MYRIP: variants seen among roughly 807,000 people sequenced by gnomAD.
MYRIP encodes rab effector MyRIP.
A neutral mutation model predicts 98.0 loss-of-function variants in MYRIP; 49 were observed. The ratio of observed to expected loss-of-function variants is 0.50; its 90% confidence interval spans 0.40 to 0.63. The LOEUF (loss-of-function observed/expected upper bound fraction) is 0.63, where lower values mean the gene tolerates loss of function less well. MYRIP is among the 30% of genes least tolerant of loss of function. The pLI, the probability that MYRIP is intolerant of heterozygous loss-of-function variation, is 0.00. For synonymous variants in MYRIP, 404 were observed against 409.5 expected (o/e 0.99, Z 0.16); for missense variants, 1,004 against 1,058.2 (o/e 0.95, Z 0.71).
At chr3:40,054,296 T>C (rs1013520479) in intron 3 of MYRIP, among the ~76,000 whole-genome samples, 2 of 152,158 alleles carry the variant, frequency 1.3e-5, no homozygotes, top group South Asian at 4.1e-4. Flanking sequence ...ATACAAAGTT[T>C]GACAGGCTTT....
chr3:40,031,198 G>C (rs1254028965), intron 2 of MYRIP, among the ~76,000 whole-genome samples: 4 of 152,050 alleles, frequency 2.6e-5, no homozygotes, highest in Non-Finnish European at 4.4e-5. Flanking sequence ...TCTTCTCTCT[G>C]TGTCCTCACA....
chr3:40,129,815 C>T (rs1348504791), intron 3 of MYRIP, among the ~76,000 whole-genome samples: 2 of 152,194 alleles, frequency 1.3e-5, no homozygotes, highest in East Asian at 1.9e-4. Flanking sequence ...TTGTTTTAGT[C>T]GAATGAGCCA....
chr3:39,861,449 G>T (rs9833758), intron 1 of MYRIP, among the ~76,000 whole-genome samples: 9 of 151,948 alleles, frequency 5.9e-5, no homozygotes, highest in African/African-American at 2.2e-4. Context: ...TTCTTACCTC[G>T]CAACAACCAC....
At chr3:40,112,686 A>G (rs1341595704) in intron 3 of MYRIP, among the ~76,000 whole-genome samples, 1 of 152,248 alleles carries the variant, frequency 6.6e-6, no homozygotes, top group Non-Finnish European at 1.5e-5. Context: ...CAGCCCTCCC[A>G]GGTCCAAACT....
intron 1 of MYRIP, among the ~76,000 whole-genome samples, chr3:39,855,345 C>T (rs1369337640): frequency 6.6e-6 from 1 of 152,036 alleles, no homozygotes; most frequent in Non-Finnish European, 1.5e-5. Flanking sequence ...CCTAAGATGG[C>T]CAGGGTAATT....
At chr3:40,098,464 C>A (rs930673654) in intron 3 of MYRIP, among the ~76,000 whole-genome samples, 2 of 152,028 alleles carry the variant, frequency 1.3e-5, no homozygotes, top group African/African-American at 4.8e-5. Flanking sequence ...TTTTTTCTTC[C>A]CTCCTAACAC....
intron 11 of MYRIP, among the ~76,000 whole-genome samples, chr3:40,233,613 C>T (rs1952729259): frequency 6.6e-6 from 1 of 152,200 alleles, no homozygotes; most frequent in Non-Finnish European, 1.5e-5. Context: ...CTCCTTCCTC[C>T]TTCCCTCACC....
intron 3 of MYRIP, among the ~76,000 whole-genome samples, chr3:40,147,864 C>T (rs1472828288): frequency 6.6e-6 from 1 of 152,180 alleles, no homozygotes; most frequent in African/African-American, 2.4e-5. Context: ...AGATCTGCTG[C>T]ATCAAATCCT....
intron 8 of MYRIP, among the ~76,000 whole-genome samples, chr3:40,175,568 C>G (rs1172928699): frequency 6.6e-6 from 1 of 152,270 alleles, no homozygotes. Flanking sequence ...CCCGATGGCA[C>G]TGGCCTGACT....
intron 10 of MYRIP, among the ~76,000 whole-genome samples, chr3:40,202,623 C>T (rs1247598800): frequency 3.3e-5 from 5 of 152,062 alleles, no homozygotes; most frequent in Non-Finnish European, 4.4e-5. Context: ...TTAGTGAGCA[C>T]GGTTTAATTT....
chr3:40,166,682 GGAGGCAGTGT>G (rs888567994), intron 5 of MYRIP, among the ~76,000 whole-genome samples, 154 bp from the exon 6 acceptor site: 1 of 152,194 alleles, frequency 6.6e-6, no homozygotes, highest in African/African-American at 2.4e-5. Context: ...ATGATGCATG[GGAGGCAGTGT>G]GAGGCAGGTG....
At chr3:40,204,481 C>T (rs1259546565) in intron 10 of MYRIP, among the ~76,000 whole-genome samples, 1 of 151,358 alleles carries the variant, frequency 6.6e-6, no homozygotes, top group Non-Finnish European at 1.5e-5. Flanking sequence ...CACGCCTGGC[C>T]ACACACTACA....
intron 2 of MYRIP, among the ~76,000 whole-genome samples, chr3:39,989,130 A>G (rs777306713): frequency 1.3e-5 from 2 of 151,696 alleles, no homozygotes; most frequent in Non-Finnish European, 2.9e-5. Context: ...TTTTTCGTTG[A>G]TTCTTTCTCA....
At chr3:40,152,894 G>A (rs1002913299) in intron 4 of MYRIP, among the ~76,000 whole-genome samples, 4 of 151,844 alleles carry the variant, frequency 2.6e-5, no homozygotes, top group African/African-American at 9.7e-5. Context: ...AGTCAGGAGG[G>A]TCACTTGAGA....
At chr3:39,845,172 C>G (rs1271680760) in intron 1 of MYRIP, among the ~76,000 whole-genome samples, 3 of 152,150 alleles carry the variant, frequency 2.0e-5, no homozygotes, top group South Asian at 2.1e-4. Context: ...ATAGTAGACT[C>G]TACTCTGGTG....
intron 12 of MYRIP, among the ~76,000 whole-genome samples, chr3:40,237,810 C>A (rs950145488): frequency 6.6e-6 from 1 of 152,042 alleles, no homozygotes; most frequent in Non-Finnish European, 1.5e-5. Context: ...AGTATGGTAC[C>A]AAAAAACAGT....
In MYRIP at chr3:40,233,927, G is replaced by C. The variant is rs1952740136; in HGVS notation, c.1974G>C (p.Glu658Asp). 6.2e-7 allele frequency: 1 copy of C among 1,613,868 alleles called. No homozygotes were observed. The highest frequency in any genetic ancestry group is 8.5e-7 in the Non-Finnish European group (1 of 1,179,942). ...TGAAAGTCATCAATGCCACAGAGGAGTTGATAGCAGGATCTACAGGGCCCT... is the reference window on the plus strand; with the variant it reads ...TGAAAGTCATCAATGCCACAGAGGACTTGATAGCAGGATCTACAGGGCCCT... Reference protein sequence around the residue: ...EVLKVINATEELIAGSTGPWE... With the variant: ...EVLKVINATEDLIAGSTGPWE... The change falls in exon 12 of 17, where the codon GAG becomes GAC. Residue 658 changes from glutamate to aspartate, a missense_variant. Glu to Asp is a conservative substitution (Grantham distance 45, BLOSUM62 2). This residue lies in a region of MYRIP where 880 missense variants were observed against 907.7 expected (regional missense o/e 0.97). Coordinates refer to ENST00000302541, the MANE Select transcript of MYRIP (RefSeq NM_015460.4).
chr3:40,084,694 CATATCGATAGATAATATGT>C (rs1948576794), intron 3 of MYRIP, among the ~76,000 whole-genome samples: 1 of 148,566 alleles, frequency 6.7e-6, no homozygotes, highest in African/African-American at 2.5e-5. Context: ...CTATGTATTA[CATATCGATAGATAATATGT>C]ATCTATGTAT....
intron 1 of MYRIP, among the ~76,000 whole-genome samples, chr3:39,872,935 C>T (rs1473423817): frequency 6.6e-6 from 1 of 152,178 alleles, no homozygotes; most frequent in Non-Finnish European, 1.5e-5. Context: ...AATGGTTGAA[C>T]TAGTTTACAG....
Sources: allele counts gnomAD v4.1 joint callset (sites outside exome capture counted in the v4.1 genomes callset), GRCh38; gene constraint gnomAD v4.1.1; regional missense constraint gnomAD v4.1.1; transcripts MANE v1.5; gene names NCBI Gene and HGNC (gene_info 2026-07-23, HGNC 2026-07-21).